PRDM16: variants seen among roughly 807,000 people sequenced by gnomAD.
PRDM16 encodes PR/SET domain 16, also known as histone-lysine N-methyltransferase PRDM16.
A neutral mutation model predicts 110.6 loss-of-function variants in PRDM16; 23 were observed. The observed-to-expected ratio is 0.21, with a 90% CI of 0.15 to 0.29. The LOEUF (loss-of-function observed/expected upper bound fraction) is 0.29. Among genes scored for constraint, PRDM16 ranks in the 10% least tolerant of loss-of-function variants. PRDM16 has a pLI of 1.00. For synonymous variants in PRDM16, 799 were observed against 781.8 expected, an observed-to-expected ratio of 1.02 and a Z score of -0.37; for missense variants, 1,615 against 1,794.3, an observed-to-expected ratio of 0.90 and a Z score of 1.81.
intron 2 of PRDM16, among the ~76,000 whole-genome samples, chr1:3,192,392 G>C (rs1638335466): frequency 6.6e-6 from 1 of 152,178 alleles, no homozygotes; most frequent in Admixed American, 6.5e-5. Context: ...TAATGACCAG[G>C]CTCAGGGTGT....
intron 3 of PRDM16, among the ~76,000 whole-genome samples, chr1:3,374,374 C>T (rs1384681536): frequency 6.6e-6 from 1 of 152,238 alleles, no homozygotes; most frequent in East Asian, 1.9e-4. Flanking sequence ...AAGCTGGGAT[C>T]CCCGTTACAG....
At position 3,201,145 on chromosome 1, in the gene PRDM16, C is replaced by A. The variant is rs1638615415; in HGVS notation, c.387+14671C>A. On this transcript the variant is annotated intron_variant, in intron 2 of 16. Coordinates refer to ENST00000270722, the MANE Select transcript of PRDM16 (RefSeq NM_022114.4). This position sits in a 1 kb window ranked among gnomAD's most constrained non-coding sequence, Gnocchi z 4.1. ...CTGAGTTTTGGGAGCATAGACCACG[C>A]TGCCTTCTTTTGAGGAGGACAGGGA... 6.6e-6 allele frequency among the ~76,000 whole-genome samples: 1 copy of A among 152,112 alleles called. No individual in the cohort carries two copies. The highest frequency in any genetic ancestry group is 6.5e-5 in the Admixed American group (1 of 15,278).
intron 3 of PRDM16, among the ~76,000 whole-genome samples, chr1:3,367,686 T>C (rs1019664552): frequency 2.6e-5 from 4 of 152,180 alleles, no homozygotes; most frequent in African/African-American, 9.7e-5. Context: ...AAATAGAACA[T>C]ATTGGCAAGA....
chr1:3,278,299 G>A (rs1397845983), intron 3 of PRDM16, among the ~76,000 whole-genome samples: 1 of 152,136 alleles, frequency 6.6e-6, no homozygotes, highest in Non-Finnish European at 1.5e-5. Flanking sequence ...TGGATAAAGG[G>A]GCGTCTTTCC....
chr1:3,199,715 T>TTGCTC (rs1406243716), intron 2 of PRDM16, among the ~76,000 whole-genome samples: 4 of 152,178 alleles, frequency 2.6e-5, no homozygotes, highest in Non-Finnish European at 5.9e-5. Context: ...AGCGCAAGTC[T>TTGCTC]TGCTCGGCTA....
intron 2 of PRDM16, among the ~76,000 whole-genome samples, chr1:3,237,165 C>T: frequency 6.6e-6 from 1 of 152,144 alleles, no homozygotes; most frequent in Non-Finnish European, 1.5e-5. Context: ...ATGCCCCCAT[C>T]GTCTGTTTCT....
At chr1:3,433,201 C>T (rs2100706630) in intron 16 of PRDM16, among the ~76,000 whole-genome samples, 1 of 152,352 alleles carries the variant, frequency 6.6e-6, no homozygotes, top group South Asian at 2.1e-4. Flanking sequence ...CACAGGAGGC[C>T]CTGCACCAGC....
chr1:3,169,405 C>T (rs571139550), intron 1 of PRDM16, among the ~76,000 whole-genome samples: 2 of 152,026 alleles, frequency 1.3e-5, no homozygotes, highest in Non-Finnish European at 2.9e-5. Flanking sequence ...TCCTCAGGGC[C>T]GGGGGTTGGA....
Position 3,405,527 on chromosome 1 carries a change from C to T in PRDM16, c.1065C>T (p.His355=), listed in dbSNP as rs1442013716. The change falls in exon 8 of 17, where the codon CAC becomes CAT. Residue 355 remains histidine, a synonymous_variant. Transcript: ENST00000270722. ...VFTDPSNLQR[H]IRSQHVGARA... ...CGGACCCCAGCAACCTTCAGCGGCA[C>T]ATCCGCTCGCAGCACGTGGGCGCTC... 2 of 1,602,012 alleles carry T rather than the reference C, an allele frequency of 1.2e-6. No homozygotes were observed. The highest frequency in any genetic ancestry group is 2.3e-5 in the East Asian group (1 of 44,426).
chr1:3,186,054 G>C, intron 1 of PRDM16, 71 bp from the exon 2 acceptor site: 2 of 1,337,552 alleles, frequency 1.5e-6, no homozygotes, highest in Non-Finnish European at 2.1e-6. Context: ...CCGAGTCCCC[G>C]GCGCTCCCTG....
intron 1 of PRDM16, among the ~76,000 whole-genome samples, chr1:3,167,686 C>A (rs1569742458): frequency 2.0e-5 from 1 of 49,562 alleles, no homozygotes; most frequent in African/African-American, 1.1e-4. Flanking sequence ...CATTGCCCCC[C>A]TGCTCCTGCC....
At chr1:3,407,005 T>A (rs1643574141) in intron 8 of PRDM16, among the ~76,000 whole-genome samples, 1 of 152,216 alleles carries the variant, frequency 6.6e-6, no homozygotes, top group Admixed American at 6.5e-5. Flanking sequence ...GACCGTGGGC[T>A]CAAGGCCAGG....
chr1:3,167,459 G>A (rs1349143977), intron 1 of PRDM16, among the ~76,000 whole-genome samples: 3 of 152,028 alleles, frequency 2.0e-5, no homozygotes, highest in Non-Finnish European at 4.4e-5. Context: ...GGTCACATTC[G>A]CGCTCATGTG....
intron 3 of PRDM16, among the ~76,000 whole-genome samples, chr1:3,284,107 C>T (rs1364270302): frequency 3.3e-5 from 5 of 152,176 alleles, no homozygotes; most frequent in Non-Finnish European, 2.9e-5. Context: ...GGCTGCTGCC[C>T]GCCACCCGCC....
At chr1:3,291,209 C>T (rs1411793461) in intron 3 of PRDM16, among the ~76,000 whole-genome samples, 1 of 152,140 alleles carries the variant, frequency 6.6e-6, no homozygotes, top group Non-Finnish European at 1.5e-5. Context: ...AATAACACTG[C>T]CTCAGAGACT....
intron 3 of PRDM16, among the ~76,000 whole-genome samples, chr1:3,381,738 C>G (rs1046900322): frequency 6.6e-6 from 1 of 152,074 alleles, no homozygotes; most frequent in East Asian, 1.9e-4. Context: ...AACCCCATGC[C>G]ATGGCTGTGG....
At chr1:3,346,626 C>T (rs1642368741) in intron 3 of PRDM16, among the ~76,000 whole-genome samples, 1 of 152,146 alleles carries the variant, frequency 6.6e-6, no homozygotes. Flanking sequence ...TCTCGATGGC[C>T]AGCCAGGCCC....
At chr1:3,178,297 A>G (rs1644112515) in intron 1 of PRDM16, among the ~76,000 whole-genome samples, 1 of 152,160 alleles carries the variant, frequency 6.6e-6, no homozygotes, top group Non-Finnish European at 1.5e-5. Flanking sequence ...GGGCGTCTCG[A>G]ACACAGTCCT....
At chr1:3,122,949 C>T (rs906239935) in intron 1 of PRDM16, among the ~76,000 whole-genome samples, 6 of 152,128 alleles carry the variant, frequency 3.9e-5, no homozygotes, top group African/African-American at 1.2e-4. Flanking sequence ...GAGCCCGAGG[C>T]CTGGGGGACG....
Sources: gnomAD v4.1 joint callset for allele counts (sites outside exome capture counted in the v4.1 genomes callset) on GRCh38, gnomAD v4.1.1 for gene constraint, Gnocchi (gnomAD v3.1) non-coding constraint, MANE v1.5 for transcripts, NCBI Gene and HGNC (gene_info 2026-07-23, HGNC 2026-07-21) for gene names.